The following GANC variants were observed in gnomAD, a reference collection of about 807,000 sequenced individuals.
GANC encodes the protein glucosidase alpha, neutral C, also known as neutral alpha-glucosidase C.
A neutral mutation model predicts 124.2 loss-of-function variants in GANC; 117 were observed. The ratio of observed to expected loss-of-function variants is 0.94; its 90% CI spans 0.81 to 1.10. The LOEUF (loss-of-function observed/expected upper bound fraction) is 1.10, where lower values mean the gene tolerates loss of function less well. Ranked by LOEUF, GANC falls within the 50% of genes least tolerant of loss-of-function variation. The probability of loss-of-function intolerance (pLI) is 0.00; values close to 1 mark genes in which losing one functional copy is unlikely to be tolerated. For missense variants in GANC, 1,140 were observed against 1,095.0 expected (o/e 1.04, Z -0.58); for synonymous variants, 377 against 376.8 (o/e 1.00, Z -0.01).
At chr15:42,297,836 T>TATTCATTC (rs55989118) in intron 6 of GANC, among the ~76,000 whole-genome samples, 180 bp downstream of exon 6, 2 of 151,568 alleles carry the variant, frequency 1.3e-5, no homozygotes, top group African/African-American at 4.9e-5. Context: ...TTCATTCATT[T>TATTCATTC]ATTCATTCAT....
intron 6 of GANC, among the ~76,000 whole-genome samples, chr15:42,303,025 T>C (rs1486590008): frequency 1.3e-5 from 2 of 152,002 alleles, no homozygotes; most frequent in African/African-American, 4.8e-5. Context: ...ATACTACTCC[T>C]CAAGAAGAGC....
Position 42,339,813 on chromosome 15 carries a change from C to T in GANC, c.1988C>T (p.Thr663Ile), listed in dbSNP as rs1390655527. Residue 663 changes from threonine to isoleucine, a missense_variant, in exon 17 of 24, where the codon ACC becomes ATC. Thr to Ile is a moderately conservative substitution (Grantham distance 89). Coordinates refer to ENST00000318010, the MANE Select transcript of GANC (RefSeq NM_198141.3). ...CCCTGGCTCTTTGGGGAGGAACACA[C>T]CCGACTCATCCGAGAAGCCATCAGA... ...REPWLFGEEH[T>I]RLIREAIRER... The T allele has an allele frequency of 2.5e-6, 4 of 1,614,154 alleles. No homozygotes were observed. The highest frequency in any genetic ancestry group is 2.7e-5 in the African/African-American group (2 of 75,056).
intron 10 of GANC, among the ~76,000 whole-genome samples, chr15:42,316,644 A>G (rs908664244): frequency 1.3e-5 from 2 of 152,240 alleles, no homozygotes; most frequent in African/African-American, 4.8e-5. Flanking sequence ...GAAGCACAGC[A>G]CTACAGGGAG....
chr15:42,352,269 C>G lies in GANC; in HGVS notation c.*130C>G. ...ATCAAAATAATCTTTCATTCGTCAC[C>G]ATTATACTAATGAACAATAGATTTC... On this transcript the variant is annotated 3_prime_UTR_variant, in exon 24 of 24. Coordinates refer to ENST00000318010, the MANE Select transcript of GANC (RefSeq NM_198141.3). The G allele has an allele frequency of 2.0e-6, 3 of 1,471,596 alleles. No homozygotes were observed. The highest frequency in any genetic ancestry group is 2.7e-6 in the Non-Finnish European group (3 of 1,110,850). The allele number at this position is 1,471,596 out of a possible 1,614,324, so 91.2% of individuals were successfully genotyped here. A position where few individuals can be genotyped will look rare whatever the true frequency, so the allele number is the denominator to read the frequency against.
At chr15:42,328,999 G>A in intron 13 of GANC, among the ~76,000 whole-genome samples, 1 of 152,316 alleles carries the variant, frequency 6.6e-6, no homozygotes, top group East Asian at 1.9e-4. Flanking sequence ...GAGTCCTGCA[G>A]GGAGGTCTTG....
At chr15:42,337,516 G>A (rs1267970556) in intron 15 of GANC, among the ~76,000 whole-genome samples, 2 of 152,062 alleles carry the variant, frequency 1.3e-5, no homozygotes, top group Non-Finnish European at 2.9e-5. Context: ...ATGAGAACAC[G>A]TGGACACATA....
intron 3 of GANC, chr15:42,284,273 T>C (rs2051764054): frequency 6.4e-6 from 3 of 467,152 alleles, no homozygotes; most frequent in Non-Finnish European, 1.1e-5. Flanking sequence ...CAGTTCTGGG[T>C]GAATAAAAAG....
chr15:42,324,952 A>T (rs542969378), intron 11 of GANC, among the ~76,000 whole-genome samples: 1 of 152,148 alleles, frequency 6.6e-6, no homozygotes, highest in Non-Finnish European at 1.5e-5. Context: ...ATTTTATGTT[A>T]TGTGTATTTT....
intron 16 of GANC, 145 bp from the exon 17 acceptor site, chr15:42,339,524 C>T (rs2052312876): frequency 2.3e-6 from 2 of 869,532 alleles, no homozygotes; most frequent in Non-Finnish European, 1.8e-6. Flanking sequence ...GTAAGGGGGT[C>T]ACCTGTTTGA....
At chr15:42,319,239 T>C (rs1046861303) in intron 10 of GANC, among the ~76,000 whole-genome samples, 3 of 152,214 alleles carry the variant, frequency 2.0e-5, no homozygotes, top group Non-Finnish European at 4.4e-5. Flanking sequence ...ACATCCTATT[T>C]TTTTCAAGTA....
intron 6 of GANC, among the ~76,000 whole-genome samples, chr15:42,305,223 C>T (rs2051982548): frequency 6.6e-6 from 1 of 152,028 alleles, no homozygotes; most frequent in South Asian, 2.1e-4. Flanking sequence ...TGATAAAGGC[C>T]TAATATCCAG....
intron 6 of GANC, among the ~76,000 whole-genome samples, chr15:42,301,211 C>T (rs970378267): frequency 5.3e-5 from 8 of 151,962 alleles, no homozygotes; most frequent in East Asian, 1.9e-4. Context: ...CCATGGAGGG[C>T]GAGCCGAAGC....
rs371242914 is a variant in GANC, at chr15:42,312,566, C to A, written c.1057+1720C>A. On this transcript the variant is annotated intron_variant, in intron 10 of 23. Coordinates refer to ENST00000318010, the MANE Select transcript of GANC (RefSeq NM_198141.3). ...TTCTTTCTTTTGTAGATTGCCCAGT[C>A]TTGGGTATGTCTTAAGCAGAGTGAA... 3.3e-5 allele frequency among the ~76,000 whole-genome samples: 5 copies of A among 152,338 alleles called. No homozygotes were observed. The East Asian group carries it at 7.7e-4, about 24-fold the overall frequency.
chr15:42,318,177 C>T (rs2052125658), intron 10 of GANC, among the ~76,000 whole-genome samples: 1 of 152,144 alleles, frequency 6.6e-6, no homozygotes, highest in South Asian at 2.1e-4. Flanking sequence ...TCAGAACTTA[C>T]CTTTGCTGTT....
intron 3 of GANC, chr15:42,284,224 T>A (rs2141019775): frequency 1.8e-6 from 1 of 568,006 alleles, no homozygotes; most frequent in Non-Finnish European, 3.1e-6. Context: ...TCTAGGGCTG[T>A]TTGTTAATTC....
intron 2 of GANC, chr15:42,278,211 A>G (rs972132568): frequency 8.2e-6 from 2 of 244,914 alleles, no homozygotes; most frequent in African/African-American, 4.4e-5. Context: ...ATCTATGAAA[A>G]TTGCCCCACC....
intron 10 of GANC, among the ~76,000 whole-genome samples, chr15:42,320,449 T>C (rs553769378): frequency 3.3e-5 from 5 of 152,126 alleles, no homozygotes; most frequent in East Asian, 1.9e-4. Flanking sequence ...TTGGAGACTT[T>C]GCTCAAATGT....
intron 6 of GANC, among the ~76,000 whole-genome samples, chr15:42,306,030 ATT>A (rs11449686): frequency 3.5e-5 from 5 of 142,886 alleles, no homozygotes; most frequent in African/African-American, 5.2e-5. Context: ...CACCATGTCT[ATT>A]TTTTTTTTTT....
rs148407738 is a variant in GANC at position 42,336,793 on chromosome 15, A to G, written c.1742-1596A>G. Among the ~76,000 whole-genome samples, 792 of 152,344 alleles carry G rather than the reference A, an allele frequency of 5.2e-3. 1 individual carries two copies. The highest frequency in any genetic ancestry group is 9.0e-3 in the Non-Finnish European group (610 of 68,024). Reference sequence around the variant, plus strand: ...AACTTAAGCAAATTTAAGAGAAAAAACAAACAGCCCCATTAAAAAGTGGGC... The same window carrying G: ...AACTTAAGCAAATTTAAGAGAAAAAGCAAACAGCCCCATTAAAAAGTGGGC... On this transcript the variant is annotated intron_variant, in intron 15 of 23. Coordinates refer to ENST00000318010, the MANE Select transcript of GANC (RefSeq NM_198141.3).
Sources: gnomAD v4.1 joint callset for allele counts (sites outside exome capture counted in the v4.1 genomes callset) on GRCh38, gnomAD v4.1.1 for gene constraint, MANE v1.5 for transcripts, NCBI Gene and HGNC (gene_info 2026-07-23, HGNC 2026-07-21) for gene names.